Variants in HERC3 observed in about 807,000 individuals in gnomAD.
HERC3 encodes the protein HECT and RLD domain containing E3 ubiquitin protein ligase 3, also known as probable E3 ubiquitin-protein ligase HERC3.
Under a neutral mutation model 129.9 loss-of-function variants are expected in HERC3, and 58 were observed. The observed-to-expected ratio is 0.45, with a 90% CI of 0.36 to 0.56. HERC3 has a LOEUF of 0.56. HERC3 is among the 20% of genes least tolerant of loss of function. The pLI, the probability that HERC3 is intolerant of heterozygous loss-of-function variation, is 0.00. For missense variants in HERC3, 835 were observed against 1,244.2 expected (o/e 0.67, Z 4.95); for synonymous variants, 430 against 451.0 (o/e 0.95, Z 0.59).
chr4:88,594,655 C>A (rs192088857), intron 1 of HERC3, among the ~76,000 whole-genome samples: 1 of 152,310 alleles, frequency 6.6e-6, no homozygotes, highest in African/African-American at 2.4e-5. Flanking sequence ...TGGGCTCAGG[C>A]TGTCCACCCG....
At position 88,680,214 on chromosome 4, in the gene HERC3, A is replaced by AATAATAGAATAGAAT; in HGVS notation, c.2318_2319insATAATAGAATAGAAT (p.Asn773delinsLysTer). The AATAATAGAATAGAAT allele has an allele frequency of 6.2e-7, 1 of 1,608,134 alleles. No individual in the cohort carries two copies. The highest frequency in any genetic ancestry group is 8.5e-7 in the Non-Finnish European group (1 of 1,177,738). Reference sequence around the variant, plus strand: ...ATGTTTACCTACTATCAAGATTCAAATCTCTTGTGGTTTTCAGACACGGTA... The same window carrying AATAATAGAATAGAAT: ...ATGTTTACCTACTATCAAGATTCAAAATAATAGAATAGAATTCTCTTGTGGTTTTCAGACACGGTA... On this transcript the variant is annotated stop_gained and protein_altering_variant, in exon 20 of 26. Coordinates refer to ENST00000402738, the MANE Select transcript of HERC3 (RefSeq NM_014606.3). LOFTEE classifies it high-confidence loss of function.
intron 3 of HERC3, among the ~76,000 whole-genome samples, chr4:88,615,995 A>G (rs557969892): frequency 1.3e-5 from 2 of 152,342 alleles, no homozygotes; most frequent in East Asian, 3.9e-4. Context: ...TTCTAGATGT[A>G]TACAAACATA....
At chr4:88,585,988 C>G in the HERC3 span, among the ~76,000 whole-genome samples, 4 of 152,152 alleles carry the variant, frequency 2.6e-5, no homozygotes, top group African/African-American at 9.7e-5. Context: ...CTGGTGCCAT[C>G]TTTTGTTAGG....
At chr4:88,628,037 T>A (rs2149234424) in intron 3 of HERC3, among the ~76,000 whole-genome samples, 1 of 151,740 alleles carries the variant, frequency 6.6e-6, no homozygotes, top group East Asian at 1.9e-4. Flanking sequence ...ATGGGTGGAG[T>A]GTATTTATAA....
intron 10 of HERC3, among the ~76,000 whole-genome samples, chr4:88,658,731 A>G (rs969405711): frequency 6.6e-6 from 1 of 152,162 alleles, no homozygotes; most frequent in African/African-American, 2.4e-5. Context: ...ATTTATTTAT[A>G]TTTGTACTTG....
intron 21 of HERC3, among the ~76,000 whole-genome samples, chr4:88,681,544 C>T (rs1732778950): frequency 6.6e-6 from 1 of 152,208 alleles, no homozygotes; most frequent in Non-Finnish European, 1.5e-5. Flanking sequence ...GTATTAGTTC[C>T]AGGACAACCT....
At chr4:88,697,635 C>T (rs778506621) in intron 23 of HERC3, 4 of 1,613,818 alleles carry the variant, frequency 2.5e-6, no homozygotes, top group South Asian at 1.1e-5. Flanking sequence ...GGTCACCAGC[C>T]GCGCTGTCAC....
intron 2 of HERC3, among the ~76,000 whole-genome samples, chr4:88,596,448 A>C (rs2149171756): frequency 6.6e-6 from 1 of 152,288 alleles, no homozygotes; most frequent in African/African-American, 2.4e-5. Context: ...GAGGTGGTGG[A>C]AATTCAGGTT....
intron 23 of HERC3, among the ~76,000 whole-genome samples, chr4:88,689,137 G>A (rs1172066349): frequency 6.6e-6 from 1 of 152,146 alleles, no homozygotes; most frequent in Non-Finnish European, 1.5e-5. Flanking sequence ...TTGGGAAGAT[G>A]CAATTGGAGA....
chr4:88,555,898 G>A, the HERC3 span, among the ~76,000 whole-genome samples: 3 of 152,224 alleles, frequency 2.0e-5, no homozygotes, highest in African/African-American at 4.8e-5. Context: ...CTAGTAAGCT[G>A]GTAAGGTTAC....
chr4:88,585,977 G>T, the HERC3 span, among the ~76,000 whole-genome samples: 2 of 152,282 alleles, frequency 1.3e-5, no homozygotes, highest in East Asian at 1.9e-4. Flanking sequence ...TGTGTGTTTG[G>T]CTGGTGCCAT....
chr4:88,612,695 A>G (rs1578167947), intron 3 of HERC3, among the ~76,000 whole-genome samples: 1 of 152,120 alleles, frequency 6.6e-6, no homozygotes, highest in South Asian at 2.1e-4. Context: ...TCATAGGGTT[A>G]TTACTAATTT....
chr4:88,601,469 A>T (rs1324292237), intron 2 of HERC3, among the ~76,000 whole-genome samples: 7 of 152,218 alleles, frequency 4.6e-5, no homozygotes, highest in Admixed American at 3.3e-4. Context: ...TTTGCATAGA[A>T]GAGCCAATTA....
At chr4:88,670,105 A>G (rs1313210317) in intron 15 of HERC3, 34 bp from the exon 16 acceptor site, 3 of 1,601,230 alleles carry the variant, frequency 1.9e-6, no homozygotes, top group African/African-American at 1.3e-5. Flanking sequence ...CTGGGAAGCC[A>G]TGTTTCAGTT....
At chr4:88,641,415 A>G (rs1241312128) in intron 3 of HERC3, among the ~76,000 whole-genome samples, 1 of 152,242 alleles carries the variant, frequency 6.6e-6, no homozygotes, top group East Asian at 1.9e-4. Context: ...TATTAAGAGC[A>G]TAATAAATGG....
At chr4:88,644,351 C>T (rs1301977029) in intron 3 of HERC3, among the ~76,000 whole-genome samples, 1 of 152,084 alleles carries the variant, frequency 6.6e-6, no homozygotes, top group African/African-American at 2.4e-5. Context: ...TTCATTGCAC[C>T]TCTATTTATA....
chr4:88,599,761 G>A (rs1261728401), intron 2 of HERC3, among the ~76,000 whole-genome samples: 1 of 152,222 alleles, frequency 6.6e-6, no homozygotes, highest in Non-Finnish European at 1.5e-5. Context: ...TGCTTGCTAA[G>A]CAAGGCAATT....
At chr4:88,619,844 C>T (rs1193873068) in intron 3 of HERC3, among the ~76,000 whole-genome samples, 1 of 152,090 alleles carries the variant, frequency 6.6e-6, no homozygotes, top group Non-Finnish European at 1.5e-5. Flanking sequence ...CAAATATGTT[C>T]AGGGAAATAG....
chr4:88,569,484 T>C, the HERC3 span, among the ~76,000 whole-genome samples: 1,063 of 152,362 alleles, frequency 7.0e-3, 49 homozygotes, highest in East Asian at 0.12. Context: ...TGTGGATAGC[T>C]GTTCACTTTG....
Sources: allele counts gnomAD v4.1 joint callset (sites outside exome capture counted in the v4.1 genomes callset), GRCh38; gene constraint gnomAD v4.1.1; transcripts MANE v1.5; gene names NCBI Gene and HGNC (gene_info 2026-07-23, HGNC 2026-07-21).